Variants in WDR26 observed in about 807,000 individuals in gnomAD.
WDR26 encodes the protein WD repeat domain 26.
A neutral mutation model predicts 84.1 loss-of-function variants in WDR26; 5 were observed. The ratio of observed to expected loss-of-function variants is 0.06; its 90% CI spans 0.03 to 0.13. The LOEUF is 0.13. Ranked by LOEUF, WDR26 falls within the 10% of genes least tolerant of loss-of-function variation. WDR26 has a pLI of 1.00. For missense variants in WDR26, 642 were observed against 974.9 expected (o/e 0.66, Z 4.55); for synonymous variants, 415 against 389.6 (o/e 1.07, Z -0.77).
chr1:224,415,607 T>C (rs1417872402), intron 6 of WDR26, among the ~76,000 whole-genome samples: 1 of 151,936 alleles, frequency 6.6e-6, no homozygotes, highest in Non-Finnish European at 1.5e-5. Flanking sequence ...ACTACAGGCG[T>C]GTGCCGCCAT....
intron 7 of WDR26, among the ~76,000 whole-genome samples, chr1:224,405,239 T>G (rs548370299): frequency 6.6e-6 from 1 of 152,342 alleles, no homozygotes; most frequent in East Asian, 1.9e-4. Context: ...GGTTCATCCG[T>G]GTTATAGAAT....
chr1:224,399,117 A>G lies in WDR26; in HGVS notation c.1720-83T>C, dbSNP rs762537817. The G allele has an allele frequency of 2.1e-5, 28 of 1,312,306 alleles. 1 individual carries two copies. Among genetic ancestry groups the G allele is most frequent in the Non-Finnish European group, 2.7e-5 (27 of 991,150 alleles). 81.3% of individuals were successfully genotyped at this position (1,312,306 alleles called of 1,614,324 possible). A position where few individuals can be genotyped will look rare whatever the true frequency, so the allele number is the denominator to read the frequency against. On this transcript the variant is annotated intron_variant, in intron 9 of 13. Coordinates refer to ENST00000414423, the MANE Select transcript of WDR26 (RefSeq NM_001379403.1). ...AAAGAACCAAAAGACTCCCTTCACA[A>G]TATCTTTTAGTAACAGGTTTTTTTT... is the stretch of plus-strand genomic sequence containing the variant.
chr1:224,426,617 A>G (rs1674216166), intron 3 of WDR26, among the ~76,000 whole-genome samples: 1 of 151,992 alleles, frequency 6.6e-6, no homozygotes, highest in South Asian at 2.1e-4. Context: ...ATGTTAAATG[A>G]AAAAACTTTG....
chr1:224,389,893 CGGGCGG>C, intron 13 of WDR26, 33 bp from the exon 14 acceptor site: 2 of 111,864 alleles, frequency 1.8e-5, no homozygotes, highest in Non-Finnish European at 3.9e-5. Flanking sequence ...GTATGGGGGG[CGGGCGG>C]GGGAGGGAAG....
intron 12 of WDR26, among the ~76,000 whole-genome samples, chr1:224,394,338 G>A (rs957697573): frequency 2.6e-5 from 4 of 152,184 alleles, no homozygotes; most frequent in Non-Finnish European, 5.9e-5. Context: ...AAATTCTATG[G>A]AAATGGGAAG....
At chr1:224,393,325 T>C (rs1372066000) in intron 13 of WDR26, among the ~76,000 whole-genome samples, 2 of 152,212 alleles carry the variant, frequency 1.3e-5, no homozygotes, top group Non-Finnish European at 2.9e-5. Flanking sequence ...CACAGGTACA[T>C]GATCAATTTT....
At chr1:224,394,065 C>CT in intron 12 of WDR26, 52 bp from the exon 13 acceptor site, 1 of 1,346,116 alleles carries the variant, frequency 7.4e-7, no homozygotes, top group Non-Finnish European at 9.8e-7. Context: ...AACCAACTAA[C>CT]TGATCTTAAA....
chr1:224,419,353 T>G, intron 5 of WDR26, 165 bp downstream of exon 5: 1 of 593,368 alleles, frequency 1.7e-6, no homozygotes, highest in Non-Finnish European at 3.0e-6. Context: ...CTCCTGAGGT[T>G]AGCTTCTTAG....
At chr1:224,403,568 C>G (rs552831376) in intron 8 of WDR26, among the ~76,000 whole-genome samples, 40 of 152,168 alleles carry the variant, frequency 2.6e-4, no homozygotes, top group Non-Finnish European at 5.1e-4. Context: ...AAAACATGAA[C>G]TGTAAATAAC....
At chr1:224,416,900 G>T (rs1673920691) in intron 6 of WDR26, among the ~76,000 whole-genome samples, 1 of 152,094 alleles carries the variant, frequency 6.6e-6, no homozygotes, top group African/African-American at 2.4e-5. Flanking sequence ...TATACAAAAA[G>T]ATTTTTAAAT....
chr1:224,385,444 T>C lies in WDR26; in HGVS notation c.*4391A>G, dbSNP rs1672972822. ...CAAAGAAATTTAAACTAAGTAAATA[T>C]AATCTGAGAGGCAGTTAAAAAAACA... On this transcript the variant is annotated 3_prime_UTR_variant, in exon 14 of 14. Coordinates refer to ENST00000414423, the MANE Select transcript of WDR26 (RefSeq NM_001379403.1). The C allele has an allele frequency of 6.6e-6, 1 of 152,546 alleles. No homozygotes were observed. The highest frequency in any genetic ancestry group is 6.5e-5 in the Admixed American group (1 of 15,280). 9.4% of individuals were successfully genotyped at this position (152,546 alleles called of 1,614,324 possible).
chr1:224,422,184 G>A (rs1374587012), intron 4 of WDR26, among the ~76,000 whole-genome samples: 1 of 152,196 alleles, frequency 6.6e-6, no homozygotes, highest in Non-Finnish European at 1.5e-5. Flanking sequence ...ATTTCAGATG[G>A]AGGGGACAAG....
At chr1:224,407,886 A>G (rs554303606) in intron 7 of WDR26, among the ~76,000 whole-genome samples, 1 of 152,292 alleles carries the variant, frequency 6.6e-6, no homozygotes, top group African/African-American at 2.4e-5. Flanking sequence ...CAAAAGAACC[A>G]AACAGTCCCA....
intron 6 of WDR26, 123 bp from the exon 7 acceptor site, chr1:224,411,688 G>A: frequency 2.8e-6 from 3 of 1,055,704 alleles, no homozygotes; most frequent in Non-Finnish European, 3.9e-6. Flanking sequence ...AATAAGAAGT[G>A]AATGCATTTG....
chr1:224,434,149 A>ACAG lies in WDR26; in HGVS notation c.254_256dup (p.Ala85dup). ...GCTGTGGCCGCTACTTCGGTGGGGGACAGCAGCGGCGGCGGGAGGGGCAGC... is the reference window on the plus strand; with the variant it reads ...GCTGTGGCCGCTACTTCGGTGGGGGACAGCAGCAGCGGCGGCGGGAGGGGCAGC... On this transcript the variant is annotated inframe_insertion, in exon 1 of 14. Coordinates refer to ENST00000414423, the MANE Select transcript of WDR26 (RefSeq NM_001379403.1). The ACAG allele has an allele frequency of 7.0e-7, 1 of 1,420,104 alleles. No homozygotes were observed. Among genetic ancestry groups the ACAG allele is most frequent in the Non-Finnish European group, 9.2e-7 (1 of 1,091,278 alleles). The allele number at this position is 1,420,104 out of a possible 1,614,324, so 88.0% of individuals were successfully genotyped here.
intron 12 of WDR26, 32 bp downstream of exon 12, chr1:224,398,065 A>G: frequency 6.3e-7 from 1 of 1,599,070 alleles, no homozygotes; most frequent in Middle Eastern, 1.7e-4. Flanking sequence ...CTTTAATATC[A>G]ACATATGTAA....
chr1:224,397,922 A>G, intron 12 of WDR26, 175 bp downstream of exon 12: 1 of 709,834 alleles, frequency 1.4e-6, no homozygotes, highest in Non-Finnish European at 2.2e-6. Context: ...GCATGTGACA[A>G]TTTGTGATAA....
rs906390116 is a variant in WDR26, at chr1:224,387,283, G to C, written c.*2552C>G. 2.0e-5 allele frequency: 3 copies of C among 152,504 alleles called. No homozygotes were observed. The highest frequency in any genetic ancestry group is 7.2e-5 in the African/African-American group (3 of 41,420). 9.4% of individuals were successfully genotyped at this position (152,504 alleles called of 1,614,324 possible). A position where few individuals can be genotyped will look rare whatever the true frequency, so the allele number is the denominator to read the frequency against. On this transcript the variant is annotated 3_prime_UTR_variant, in exon 14 of 14. Coordinates refer to ENST00000414423, the MANE Select transcript of WDR26 (RefSeq NM_001379403.1). ...ATAGCTATGGATCAGAAAATCCTGC[G>C]ATCAGTTTCTCATACCATAAAATCC...
Position 224,398,891 on chromosome 1 carries a change from G to A in WDR26, c.1863C>T (p.Asn621=), listed in dbSNP as rs1452986545. The A allele has an allele frequency of 5.0e-6, 8 of 1,613,630 alleles. No individual in the cohort carries two copies. The highest frequency in any genetic ancestry group is 6.8e-6 in the Non-Finnish European group (8 of 1,179,902). ...TAATGGAAACAAAAAATAGTTACAT[G>A]TTCCTATCTGTAAGGTCCTCGAAGT... The change falls in exon 10 of 14, where the codon AAC becomes AAT. Residue 621 remains asparagine (N), a splice_region_variant and synonymous_variant. Transcript: ENST00000414423.
Sources: gnomAD v4.1 joint callset for allele counts (sites outside exome capture counted in the v4.1 genomes callset) on GRCh38, gnomAD v4.1.1 for gene constraint, MANE v1.5 for transcripts, NCBI Gene and HGNC (gene_info 2026-07-23, HGNC 2026-07-21) for gene names.